C2: variants seen among roughly 807,000 people sequenced by gnomAD.
C2 encodes C3/C5 convertase.
Under a neutral mutation model 85.2 loss-of-function variants are expected in C2, and 64 were observed. The observed-to-expected ratio is 0.75, with a 90% CI of 0.61 to 0.92. The LOEUF (loss-of-function observed/expected upper bound fraction) is 0.92, where lower values mean the gene tolerates loss of function less well. Ranked by LOEUF, C2 falls within the 40% of genes least tolerant of loss-of-function variation. The pLI, the probability that C2 is intolerant of heterozygous loss-of-function variation, is 0.00. For missense variants in C2, 820 were observed against 971.6 expected, an observed-to-expected ratio of 0.84 and a Z score of 2.07; for synonymous variants, 311 against 370.8, an observed-to-expected ratio of 0.84 and a Z score of 1.85.
intron 9 of C2, 105 bp from the exon 10 acceptor site, chr6:31,942,854 C>A: frequency 2.1e-6 from 3 of 1,429,384 alleles, no homozygotes; most frequent in Non-Finnish European, 2.9e-6. Flanking sequence ...GGGTCCAGCT[C>A]ATGTAGGTCT....
Position 31,931,972 on chromosome 6 carries a change from C to T in C2, c.443-1638C>T, listed in dbSNP as rs9267685. ...CCCCCCACCTCCCTCCCGGACGGGGCGGCTGGCCGGGCGGGGGGCTGACCC... is the reference window on the plus strand; with the variant it reads ...CCCCCCACCTCCCTCCCGGACGGGGTGGCTGGCCGGGCGGGGGGCTGACCC... On this transcript the variant is annotated intron_variant, in intron 3 of 17. Coordinates refer to ENST00000299367, the MANE Select transcript of C2 (RefSeq NM_000063.6). Among the ~76,000 whole-genome samples, 297 of 95,276 alleles carry T rather than the reference C, an allele frequency of 3.1e-3. 3 individuals carry two copies. The highest frequency in any genetic ancestry group is 0.017 in the Middle Eastern group (2 of 118). 62.5% of individuals were successfully genotyped at this position (95,276 alleles called of 152,430 possible). A position where few individuals can be genotyped will look rare whatever the true frequency, so the allele number is the denominator to read the frequency against.
chr6:31,919,529 C>G (rs939161340), upstream of C2, among the ~76,000 whole-genome samples: 1 of 152,306 alleles, frequency 6.6e-6, no homozygotes, highest in Admixed American at 6.5e-5. Context: ...TTCTTTACCT[C>G]CCACCTCATT....
At chr6:31,931,741 T>C (rs7767487) in intron 3 of C2, among the ~76,000 whole-genome samples, 10,883 of 151,826 alleles carry the variant, frequency 0.072, 431 homozygotes, top group African/African-American at 0.11. Context: ...CACAAAACCG[T>C]CATTGTCATC....
intron 1 of C2, among the ~76,000 whole-genome samples, chr6:31,909,719 C>G (rs1231635992): frequency 1.3e-5 from 2 of 151,758 alleles, no homozygotes; most frequent in Non-Finnish European, 2.9e-5. Context: ...CCTGGGATCA[C>G]AGGCGTGAGC....
rs867544681 is a variant in C2, at chr6:31,922,355, A to T, written c.-100+2329A>T. On this transcript the variant is annotated intron_variant, in intron 1 of 3. Transcript: ENST00000413154. This position sits in a 1 kb window ranked among gnomAD's most constrained non-coding sequence, Gnocchi z 4.8. ...TTGCCATAGAAGGTTGAGGGGTGGC[A>T]GATCCTAGGATGACCGCGAAGTCCA... 1.3e-5 allele frequency among the ~76,000 whole-genome samples: 2 copies of T among 152,222 alleles called. No individual in the cohort carries two copies. The highest frequency in any genetic ancestry group is 3.4e-3 in the Middle Eastern group (1 of 292).
At chr6:31,934,841 C>A in intron 6 of C2, 1 of 291,374 alleles carries the variant, frequency 3.4e-6, no homozygotes, top group Non-Finnish European at 5.2e-6. Context: ...GAAACCCTGT[C>A]TATACTAAAA....
upstream of C2, among the ~76,000 whole-genome samples, chr6:31,919,148 T>C (rs1371285236): frequency 6.6e-6 from 1 of 151,408 alleles, no homozygotes. Flanking sequence ...TCTTTTCTTT[T>C]TTTTTTTTTT....
In C2 at chr6:31,943,329, A is replaced by G. The variant is rs981366494; in HGVS notation, c.1455+10A>G. 1.9e-6 allele frequency: 3 copies of G among 1,611,738 alleles called. No homozygotes were observed. The highest frequency in any genetic ancestry group is 2.5e-6 in the Non-Finnish European group (3 of 1,178,884). On this transcript the variant is annotated intron_variant, in intron 11 of 17. Coordinates refer to ENST00000299367, the MANE Select transcript of C2 (RefSeq NM_000063.6). This position sits in a 1 kb window ranked among gnomAD's most constrained non-coding sequence, Gnocchi z 6.4. ...GCATGTCACTATTAAGGTACCAGGA[A>G]GGAGGGGCAGGGCTTGGATTCCAGA...
intron 9 of C2, chr6:31,941,813 A>ATTTTTTTTTT (rs1770901522): frequency 5.6e-5 from 5 of 89,116 alleles, no homozygotes; most frequent in African/African-American, 9.6e-5. Context: ...CAGCCAGTTC[A>ATTTTTTTTTT]CTTTTTTTTT....
intron 1 of C2, chr6:31,901,192 C>T (rs755332433): frequency 6.2e-7 from 1 of 1,613,482 alleles, no homozygotes; most frequent in Admixed American, 1.7e-5. Flanking sequence ...GGCTGTCGGC[C>T]ACAATGGTCA....
rs766967911 is a variant in C2, at chr6:31,933,703, C to T, written c.536C>T (p.Ser179Leu). Residue 179 changes from serine (S) to leucine (L), a missense_variant, in exon 4 of 18, where the codon TCG becomes TTG. Physicochemically the swap from Ser to Leu is moderately radical, Grantham distance 145. Coordinates refer to ENST00000299367, the MANE Select transcript of C2 (RefSeq NM_000063.6). ...HGDKVRYRCS[S>L]NLVLTGSSER... Reference sequence around the variant, plus strand: ...GACAAGGTCCGCTATCGCTGCTCCTCGAATCTTGTGCTCACGGGGTCTTCG... The same window carrying T: ...GACAAGGTCCGCTATCGCTGCTCCTTGAATCTTGTGCTCACGGGGTCTTCG... The T allele has an allele frequency of 1.1e-5, 18 of 1,613,132 alleles. No homozygotes were observed. Among genetic ancestry groups the T allele is most frequent in the Non-Finnish European group, 1.4e-5 (16 of 1,180,044 alleles).
chr6:31,932,685 G>A lies in C2; in HGVS notation c.443-925G>A, dbSNP rs936522459. ...CATCCCAGACGATGGGTGGCCAGGCGGAGACGCTCCTCACTTCCCAGACGG... is the reference window on the plus strand; with the variant it reads ...CATCCCAGACGATGGGTGGCCAGGCAGAGACGCTCCTCACTTCCCAGACGG... On this transcript the variant is annotated intron_variant, in intron 3 of 17. Transcript: ENST00000299367. 1.3e-4 allele frequency among the ~76,000 whole-genome samples: 19 copies of A among 150,790 alleles called. No individual in the cohort carries two copies. The East Asian group carries it at 2.0e-3, about 16-fold the overall frequency.
upstream of C2, among the ~76,000 whole-genome samples, chr6:31,924,421 T>G (rs1009007872): frequency 6.6e-6 from 1 of 152,232 alleles, no homozygotes; most frequent in Non-Finnish European, 1.5e-5. Flanking sequence ...TTCCATTTTG[T>G]GATCTAGGTG....
At chr6:31,928,971 C>T in intron 3 of C2, 54 bp downstream of exon 3, 2 of 1,525,432 alleles carry the variant, frequency 1.3e-6, no homozygotes, top group Non-Finnish European at 1.8e-6. Context: ...CTGGGGAACC[C>T]TGGGGCCCAA....
chr6:31,915,017 TC>T (rs774911065), upstream of C2, among the ~76,000 whole-genome samples: 2 of 152,154 alleles, frequency 1.3e-5, no homozygotes, highest in Non-Finnish European at 2.9e-5. Context: ...GGCCCCGTGG[TC>T]TATGCCTCAA....
At chr6:31,938,570 C>A (rs747647907) in intron 8 of C2, among the ~76,000 whole-genome samples, 6 of 151,526 alleles carry the variant, frequency 4.0e-5, no homozygotes, top group Non-Finnish European at 7.4e-5. Flanking sequence ...CGGCTCACTG[C>A]AACCTCTGCC....
At chr6:31,901,448 T>G (rs1388336379) in intron 1 of C2, 8 of 948,046 alleles carry the variant, frequency 8.4e-6, no homozygotes, top group Admixed American at 5.8e-5. Flanking sequence ...TTCAGATTTC[T>G]TCCTCAGTTT....
At chr6:31,911,676 T>TGTTGCCCAGGCTGGAGTGCA (rs1768111260) in intron 1 of C2, among the ~76,000 whole-genome samples, 2 of 151,300 alleles carry the variant, frequency 1.3e-5, no homozygotes, top group Non-Finnish European at 3.0e-5. Context: ...AGTCTCGCTC[T>TGTTGCCCAGGCTGGAGTGCA]GTTGCCCAGG....
chr6:31,943,704 G>T lies in C2; in HGVS notation c.1628G>T (p.Gly543Val), dbSNP rs1448915190. 2.5e-6 allele frequency: 4 copies of T among 1,613,070 alleles called. No individual in the cohort carries two copies. Among genetic ancestry groups the T allele is most frequent in the Non-Finnish European group, 3.4e-6 (4 of 1,180,034 alleles). ...ATTGAGAAGGCGGTGATCTCCCCAG[G>T]GTTTGATGTCTTTGCCAAAAAGAAC... ...FLIEKAVISP[G>V]FDVFAKKNQG... is the part of the protein sequence containing the mutation. The change falls in exon 13 of 18, where the codon GGG becomes GTG. Residue 543 changes from glycine to valine, a missense_variant. By Grantham distance (109) the Gly-to-Val change is moderately radical (BLOSUM62 -3). Coordinates refer to ENST00000299367, the MANE Select transcript of C2 (RefSeq NM_000063.6). The surrounding 1 kb of genome is among the most constrained non-coding windows in gnomAD (Gnocchi z 6.4).
Sources: allele counts gnomAD v4.1 joint callset (sites outside exome capture counted in the v4.1 genomes callset), GRCh38; gene constraint gnomAD v4.1.1; non-coding constraint Gnocchi (gnomAD v3.1); transcripts MANE v1.5; gene names NCBI Gene and HGNC (gene_info 2026-07-23, HGNC 2026-07-21).